The following CDH12 variants were observed in gnomAD, a reference collection of about 807,000 sequenced individuals.
The protein encoded by CDH12 is cadherin 12.
In CDH12, 41 loss-of-function variants were observed where a neutral mutation model predicts 74.1. That is an observed-to-expected ratio of 0.55 (90% CI 0.43 to 0.72). The LOEUF (loss-of-function observed/expected upper bound fraction) is 0.72, where lower values mean the gene tolerates loss of function less well. CDH12 is among the 30% of genes least tolerant of loss of function. The pLI is 0.00. For synonymous variants in CDH12, 399 were observed against 355.0 expected (o/e 1.12, Z -1.39); for missense variants, 945 against 977.2 (o/e 0.97, Z 0.44).
chr5:22,604,466 T>A (rs577063311), intron 1 of CDH12, among the ~76,000 whole-genome samples: 6 of 152,298 alleles, frequency 3.9e-5, no homozygotes, highest in African/African-American at 1.4e-4. Flanking sequence ...CTTTCTCAGA[T>A]GAGCAATCAG....
intron 1 of CDH12, among the ~76,000 whole-genome samples, chr5:22,775,441 A>G (rs914720920): frequency 1.3e-5 from 2 of 152,104 alleles, no homozygotes; most frequent in African/African-American, 4.8e-5. Context: ...ATGCCAAGGT[A>G]ACAAACTAAA....
chr5:22,217,178 T>C (rs1052658542), intron 3 of CDH12, among the ~76,000 whole-genome samples: 13 of 151,856 alleles, frequency 8.6e-5, no homozygotes, highest in African/African-American at 2.6e-4. Context: ...AAATTGTAAA[T>C]GGAGTAGATT....
chr5:22,534,849 T>TA (rs1448206256), intron 1 of CDH12, among the ~76,000 whole-genome samples: 1 of 151,554 alleles, frequency 6.6e-6, no homozygotes, highest in African/African-American at 2.4e-5. Context: ...AATTAGTAGT[T>TA]AAATAACCAT....
intron 4 of CDH12, among the ~76,000 whole-genome samples, chr5:22,100,853 T>C (rs958557658): frequency 6.6e-6 from 1 of 152,176 alleles, no homozygotes; most frequent in Non-Finnish European, 1.5e-5. Flanking sequence ...ATTTTGAGAA[T>C]TATTCAATAA....
chr5:22,801,234 T>G (rs925477369), intron 1 of CDH12, among the ~76,000 whole-genome samples: 5 of 152,278 alleles, frequency 3.3e-5, no homozygotes, highest in African/African-American at 1.2e-4. Flanking sequence ...ATTTTGCTCC[T>G]TCTAACAGGT....
chr5:21,834,319 G>T (rs150245363), intron 8 of CDH12, among the ~76,000 whole-genome samples: 10 of 151,712 alleles, frequency 6.6e-5, no homozygotes, highest in African/African-American at 2.2e-4. Context: ...GTCTATTTCT[G>T]TCTTACTCAT....
intron 1 of CDH12, among the ~76,000 whole-genome samples, chr5:22,640,435 G>C (rs1024612042): frequency 6.6e-6 from 1 of 152,066 alleles, no homozygotes; most frequent in Admixed American, 6.5e-5. Flanking sequence ...ATCCTACTCT[G>C]TTTACGTTAT....
intron 8 of CDH12, among the ~76,000 whole-genome samples, chr5:21,819,917 T>C (rs1748272141): frequency 6.6e-6 from 1 of 152,006 alleles, no homozygotes; most frequent in South Asian, 2.1e-4. Context: ...GAGAGCCAGT[T>C]GAAGTTACAT....
intron 1 of CDH12, among the ~76,000 whole-genome samples, chr5:22,608,698 G>A (rs1046556922): frequency 1.3e-5 from 2 of 152,160 alleles, no homozygotes; most frequent in Admixed American, 1.3e-4. Context: ...AGCATGTGGA[G>A]ATAACTGGAT....
chr5:22,072,530 T>TTGTG (rs36214247), intron 5 of CDH12, among the ~76,000 whole-genome samples: 4,602 of 146,314 alleles, frequency 0.031, 93 homozygotes, highest in East Asian at 0.045. Flanking sequence ...TATAGCACTT[T>TTGTG]TGTGTGTGTG....
At chr5:22,059,279 CT>C (rs755923030) in intron 5 of CDH12, among the ~76,000 whole-genome samples, 1 of 150,798 alleles carries the variant, frequency 6.6e-6, no homozygotes, top group African/African-American at 2.5e-5. Flanking sequence ...ATCTATCTAT[CT>C]ATCTATCTAT....
chr5:22,525,666 ATC>A (rs1202591534), intron 1 of CDH12, among the ~76,000 whole-genome samples: 5 of 152,108 alleles, frequency 3.3e-5, no homozygotes, highest in Non-Finnish European at 5.9e-5. Context: ...CTTTCTCCCC[ATC>A]TCTCTTTGTT....
intron 1 of CDH12, among the ~76,000 whole-genome samples, chr5:22,810,314 G>A (rs540236936): frequency 2.0e-5 from 3 of 152,126 alleles, no homozygotes; most frequent in Non-Finnish European, 1.5e-5. Context: ...ATAAAACATA[G>A]TCCTAAACAA....
At chr5:22,705,738 G>A (rs184218614) in intron 1 of CDH12, among the ~76,000 whole-genome samples, 1 of 151,978 alleles carries the variant, frequency 6.6e-6, no homozygotes, top group East Asian at 1.9e-4. Flanking sequence ...AATATACACT[G>A]AGGGATAAGG....
chr5:22,771,787 C>T (rs779171162), intron 1 of CDH12, among the ~76,000 whole-genome samples: 9 of 152,162 alleles, frequency 5.9e-5, no homozygotes, highest in East Asian at 3.9e-4. Context: ...TTACAGCCTA[C>T]GGACTCAAGT....
chr5:22,208,110 C>A (rs977372164), intron 4 of CDH12, among the ~76,000 whole-genome samples: 3 of 152,062 alleles, frequency 2.0e-5, no homozygotes, highest in Admixed American at 1.3e-4. Context: ...GGATTTGAAC[C>A]AGGTGGTTGA....
chr5:22,556,811 G>A (rs1209738871), intron 1 of CDH12, among the ~76,000 whole-genome samples: 1 of 151,764 alleles, frequency 6.6e-6, no homozygotes, highest in Non-Finnish European at 1.5e-5. Context: ...CTGGCCCTTC[G>A]AGATGTAAAT....
At chr5:21,969,322 G>A (rs1011517246) in intron 6 of CDH12, among the ~76,000 whole-genome samples, 2 of 152,146 alleles carry the variant, frequency 1.3e-5, no homozygotes, top group Non-Finnish European at 2.9e-5. Context: ...GAGAGCCAGA[G>A]TATAGACAGT....
chr5:22,570,872 T>A (rs1739508936), intron 1 of CDH12, among the ~76,000 whole-genome samples: 1 of 152,236 alleles, frequency 6.6e-6, no homozygotes, highest in Non-Finnish European at 1.5e-5. Flanking sequence ...TAGTGTTTAG[T>A]GTAGCCACCT....
Sources: gnomAD v4.1 joint callset for allele counts (sites outside exome capture counted in the v4.1 genomes callset) on GRCh38, gnomAD v4.1.1 for gene constraint, MANE v1.5 for transcripts, NCBI Gene and HGNC (gene_info 2026-07-23, HGNC 2026-07-21) for gene names.